Variants in KCNT2 observed in about 807,000 individuals in gnomAD.
KCNT2 encodes potassium channel subfamily T member 2.
A neutral mutation model predicts 153.8 loss-of-function variants in KCNT2; 67 were observed. That is an observed-to-expected ratio of 0.44 (90% CI 0.36 to 0.53). The LOEUF is 0.53. KCNT2 is among the 20% of genes least tolerant of loss of function. KCNT2 has a pLI of 0.00. For missense variants in KCNT2, 975 were observed against 1,354.8 expected (o/e 0.72, Z 4.40); for synonymous variants, 500 against 458.8 (o/e 1.09, Z -1.15).
intron 23 of KCNT2, 122 bp from the exon 24 acceptor site, chr1:196,282,478 T>G: frequency 1.8e-6 from 1 of 553,350 alleles, no homozygotes; most frequent in Non-Finnish European, 3.2e-6. Context: ...ATATCACATT[T>G]TTAACCCTCC....
intron 1 of KCNT2, among the ~76,000 whole-genome samples, chr1:196,594,198 T>C (rs530049945): frequency 6.6e-6 from 1 of 152,260 alleles, no homozygotes; most frequent in African/African-American, 2.4e-5. Context: ...TTAACAGTCA[T>C]TTGAACTGTC....
intron 26 of KCNT2, among the ~76,000 whole-genome samples, chr1:196,250,398 T>C (rs1655853082): frequency 6.6e-6 from 1 of 152,192 alleles, no homozygotes; most frequent in South Asian, 2.1e-4. Context: ...GGAATTTCAA[T>C]AAATGATTCT....
In KCNT2 at chr1:196,295,399, G is replaced by A. The variant is rs150449858; in HGVS notation, c.2596-9641C>T. 2.1e-3 allele frequency among the ~76,000 whole-genome samples: 318 copies of A among 151,294 alleles called. 2 individuals carry two copies. The highest frequency in any genetic ancestry group is 7.2e-3 in the African/African-American group (296 of 41,322). On this transcript the variant is annotated intron_variant, in intron 22 of 27. Coordinates refer to ENST00000294725, the MANE Select transcript of KCNT2 (RefSeq NM_198503.5). ...ATTGTTCAAAAATTGTAACTCTTAAGTTACAACTATAATTCTAAAAATAAC... is the reference window on the plus strand; with the variant it reads ...ATTGTTCAAAAATTGTAACTCTTAAATTACAACTATAATTCTAAAAATAAC...
rs186896075 is a variant in KCNT2 at position 196,554,755 on chromosome 1, C to A, written c.95+53460G>T. Among the ~76,000 whole-genome samples the A allele has an allele frequency of 3.1e-3, 469 of 151,132 alleles. 2 individuals carry two copies. The highest frequency in any genetic ancestry group is 4.9e-3 in the Non-Finnish European group (333 of 67,358). ...AATCCTACACAAAATACTAGCAAAC[C>A]AAATTCAATATTATATTGAAAAGAT... On this transcript the variant is annotated intron_variant, in intron 1 of 27. Coordinates refer to ENST00000294725, the MANE Select transcript of KCNT2 (RefSeq NM_198503.5).
At chr1:196,408,814 T>C (rs1391474160) in intron 12 of KCNT2, among the ~76,000 whole-genome samples, 1 of 151,620 alleles carries the variant, frequency 6.6e-6, no homozygotes, top group Non-Finnish European at 1.5e-5. Flanking sequence ...TCTGTGAATG[T>C]TTCATGTGTA....
Position 196,280,823 on chromosome 1 carries a change from TA to T in KCNT2, c.2910+36del, listed in dbSNP as rs774537126. On this transcript the variant is annotated intron_variant, in intron 25 of 27. Transcript: ENST00000294725. The stretch of plus-strand genomic sequence containing the variant: ...TTATGAATGATTGCACTCATCAGAT[TA>T]AACATCAAAACAAGAATATTTTGTT... The T allele has an allele frequency of 4.4e-6, 7 of 1,583,086 alleles. No homozygotes were observed. The South Asian group carries it at 7.7e-5, about 18-fold the overall frequency.
intron 1 of KCNT2, among the ~76,000 whole-genome samples, chr1:196,525,017 A>C (rs1653988216): frequency 6.6e-6 from 1 of 152,118 alleles, no homozygotes; most frequent in Non-Finnish European, 1.5e-5. Flanking sequence ...TGTATTTTGG[A>C]GATCTTTGCA....
intron 23 of KCNT2, 76 bp downstream of exon 23, chr1:196,285,581 G>T (rs1269556979): frequency 2.2e-5 from 18 of 831,076 alleles, no homozygotes; most frequent in Non-Finnish European, 3.3e-5. Flanking sequence ...TGAAACACTA[G>T]ATGTATTATT....
At chr1:196,427,498 G>A (rs907840545) in intron 10 of KCNT2, among the ~76,000 whole-genome samples, 5 of 151,974 alleles carry the variant, frequency 3.3e-5, no homozygotes, top group Non-Finnish European at 7.4e-5. Flanking sequence ...GCCATGGCCC[G>A]TAGCAGAAAG....
At chr1:196,469,192 T>C in intron 5 of KCNT2, 124 bp from the exon 6 acceptor site, 1 of 586,794 alleles carries the variant, frequency 1.7e-6, no homozygotes, top group Admixed American at 2.9e-5. Context: ...TACTGAATAT[T>C]ATATAGAGAT....
At chr1:196,278,808 G>A in intron 25 of KCNT2, among the ~76,000 whole-genome samples, 1 of 152,154 alleles carries the variant, frequency 6.6e-6, no homozygotes, top group East Asian at 1.9e-4. Context: ...AATAAGAAAT[G>A]ATTTGTATAC....
intron 13 of KCNT2, among the ~76,000 whole-genome samples, chr1:196,384,489 C>G (rs374752289): frequency 6.6e-6 from 1 of 151,916 alleles, no homozygotes; most frequent in African/African-American, 2.4e-5. Context: ...GTCAGGAGTT[C>G]GAAACCAGCT....
chr1:196,590,367 T>C (rs189366743), intron 1 of KCNT2, among the ~76,000 whole-genome samples: 3 of 152,298 alleles, frequency 2.0e-5, no homozygotes, highest in East Asian at 3.9e-4. Context: ...TGCCAGCTAC[T>C]GACAGATAAT....
chr1:196,341,116 G>C (rs967729555), intron 15 of KCNT2, among the ~76,000 whole-genome samples: 1 of 151,782 alleles, frequency 6.6e-6, no homozygotes, highest in Admixed American at 6.6e-5. Flanking sequence ...ACTTATAATA[G>C]AGTTATGTCC....
chr1:196,256,709 A>AATATATATATATATATATATATATAT (rs144323772), intron 26 of KCNT2, among the ~76,000 whole-genome samples: 2 of 144,178 alleles, frequency 1.4e-5, no homozygotes, highest in African/African-American at 5.1e-5. Flanking sequence ...TTATCATGGA[A>AATATATATATATATATATATATATAT]ATATATATAT....
chr1:196,506,869 G>A (rs773956512), intron 1 of KCNT2, among the ~76,000 whole-genome samples: 30 of 152,076 alleles, frequency 2.0e-4, no homozygotes, highest in Non-Finnish European at 3.4e-4. Context: ...ATTATTTTTA[G>A]TCAAAGTAGA....
chr1:196,261,857 T>C (rs1306574637), intron 25 of KCNT2, among the ~76,000 whole-genome samples: 4 of 151,864 alleles, frequency 2.6e-5, no homozygotes, highest in Non-Finnish European at 4.4e-5. Flanking sequence ...AATTTAATAC[T>C]AATGTTTGTG....
chr1:196,525,986 A>T (rs999435726), intron 1 of KCNT2, among the ~76,000 whole-genome samples: 1 of 151,700 alleles, frequency 6.6e-6, no homozygotes, highest in Non-Finnish European at 1.5e-5. Context: ...TTTATAGAAC[A>T]TAAATAGCAC....
chr1:196,565,413 G>T (rs1020115443), intron 1 of KCNT2, among the ~76,000 whole-genome samples: 1 of 151,516 alleles, frequency 6.6e-6, no homozygotes, highest in African/African-American at 2.4e-5. Context: ...AAATAGAACT[G>T]CCGTGTCATC....
Sources: allele counts gnomAD v4.1 joint callset (sites outside exome capture counted in the v4.1 genomes callset), GRCh38; gene constraint gnomAD v4.1.1; transcripts MANE v1.5; gene names NCBI Gene and HGNC (gene_info 2026-07-23, HGNC 2026-07-21).